The following SAXO2 variants were observed in gnomAD, a reference collection of about 807,000 sequenced individuals.
The protein encoded by SAXO2 is family with sequence similarity 154, member B.
In SAXO2, 17 loss-of-function variants were observed where a neutral mutation model predicts 18.7. That is an observed-to-expected ratio of 0.91 (90% CI 0.62 to 1.36). The LOEUF is 1.36. SAXO2 is among the 40% of genes most tolerant of loss of function. The pLI, the probability that SAXO2 is intolerant of heterozygous loss-of-function variation, is 0.00. For synonymous variants in SAXO2, 163 were observed against 181.2 expected, an observed-to-expected ratio of 0.90 and a Z score of 0.81; for missense variants, 486 against 562.6, an observed-to-expected ratio of 0.86 and a Z score of 1.38.
rs538202720 is a variant in SAXO2 at position 82,272,892 on chromosome 15, T to C, written c.433+1090T>C. Among the ~76,000 whole-genome samples, 7 of 151,782 alleles carry C rather than the reference T, an allele frequency of 4.6e-5. No individual in the cohort carries two copies. The South Asian group carries it at 1.5e-3, about 32-fold the overall frequency. On this transcript the variant is annotated intron_variant, in intron 3 of 3. Coordinates refer to ENST00000682753, the MANE Select transcript of SAXO2 (RefSeq NM_001348699.2). Reference sequence around the variant, plus strand: ...TAGTACTTTTGAGGAATGGGGTCTTTGTTTTTTAAACACAGGCTGTTTTTT... The same window carrying C: ...TAGTACTTTTGAGGAATGGGGTCTTCGTTTTTTAAACACAGGCTGTTTTTT...
intron 1 of SAXO2, 90 bp downstream of exon 1, chr15:82,263,022 A>G (rs2075151638): frequency 6.5e-7 from 1 of 1,544,038 alleles, no homozygotes; most frequent in African/African-American, 1.4e-5. Context: ...GAACCCTGAG[A>G]GTGGCCGTCC....
chr15:82,264,103 G>C (rs1030981551), intron 1 of SAXO2, among the ~76,000 whole-genome samples: 1 of 137,982 alleles, frequency 7.2e-6, no homozygotes, highest in Non-Finnish European at 1.5e-5. Context: ...ACAGAGTCTG[G>C]CTCTCTTGCC....
chr15:82,275,235 C>CAATAACG (rs1442542609), intron 3 of SAXO2, among the ~76,000 whole-genome samples: 3 of 77,174 alleles, frequency 3.9e-5, no homozygotes, highest in African/African-American at 1.5e-4. Context: ...CTGAACAGAT[C>CAATAACG]AATAACGAGT....
At chr15:82,263,118 G>A (rs1308599516) in intron 1 of SAXO2, 186 bp downstream of exon 1, 51 of 1,478,828 alleles carry the variant, frequency 3.4e-5, no homozygotes, top group Non-Finnish European at 1.8e-5. Context: ...TGCTACCCGG[G>A]GGTAAAACGT....
chr15:82,283,116 G>T lies in SAXO2; in HGVS notation c.*54G>T. 8.0e-7 allele frequency: 1 copy of T among 1,244,870 alleles called. No homozygotes were observed. Among genetic ancestry groups the T allele is most frequent in the Non-Finnish European group, 1.0e-6 (1 of 955,666 alleles). 77.1% of individuals were successfully genotyped at this position (1,244,870 alleles called of 1,614,324 possible). ...CTAGCAAGTTGTTGTTTTTCCAAGA[G>T]AAAACTCAATTTTTATAGTTAAAAA... On this transcript the variant is annotated 3_prime_UTR_variant, in exon 4 of 4. Coordinates refer to ENST00000682753, the MANE Select transcript of SAXO2 (RefSeq NM_001348699.2).
rs199720635 is a variant in SAXO2 at position 82,280,036 on chromosome 15, GT to G, written c.434-2078del. Among the ~76,000 whole-genome samples the G allele has an allele frequency of 6.9e-3, 1,053 of 152,252 alleles. 10 individuals carry two copies. The highest frequency in any genetic ancestry group is 8.1e-3 in the Non-Finnish European group (554 of 68,010). ...TAGACATGGACAGCATTGTTTTCTT[GT>G]TTTTCCATAAGTATCATAAAACACT... On this transcript the variant is annotated intron_variant, in intron 3 of 3. Transcript: ENST00000682753.
chr15:82,272,570 C>T (rs560646353), intron 3 of SAXO2, among the ~76,000 whole-genome samples: 2 of 152,250 alleles, frequency 1.3e-5, no homozygotes, highest in Admixed American at 1.3e-4. Flanking sequence ...GTGACAGAGT[C>T]TCGTTCTGTC....
At chr15:82,277,951 G>A (rs1281208118) in intron 3 of SAXO2, among the ~76,000 whole-genome samples, 1 of 152,086 alleles carries the variant, frequency 6.6e-6, no homozygotes, top group African/African-American at 2.4e-5. Context: ...TTGGGAGAAA[G>A]GCTGGAGACC....
In SAXO2 at chr15:82,283,448, T is replaced by G. The variant is rs1454656942; in HGVS notation, c.*386T>G. On this transcript the variant is annotated 3_prime_UTR_variant, in exon 4 of 4. Transcript: ENST00000682753. Reference sequence around the variant, plus strand: ...ACATCAGGATTATCTAGAACAACATTGAAAATGATACATGGATTCCTCTTC... The same window carrying G: ...ACATCAGGATTATCTAGAACAACATGGAAAATGATACATGGATTCCTCTTC... 2 of 155,688 alleles carry G rather than the reference T, an allele frequency of 1.3e-5. No homozygotes were observed. The highest frequency in any genetic ancestry group is 2.4e-5 in the African/African-American group (1 of 41,462). 9.6% of individuals were successfully genotyped at this position (155,688 alleles called of 1,614,324 possible). A position where few individuals can be genotyped will look rare whatever the true frequency, so the allele number is the denominator to read the frequency against.
At chr15:82,278,664 A>C (rs2075336651) in intron 3 of SAXO2, among the ~76,000 whole-genome samples, 1 of 152,214 alleles carries the variant, frequency 6.6e-6, no homozygotes, top group South Asian at 2.1e-4. Flanking sequence ...AGTCATAAAA[A>C]AAACCTTAAC....
Position 82,282,990 on chromosome 15 carries a change from T to C in SAXO2, c.1305T>C (p.Tyr435=), listed in dbSNP as rs779251065. ...CCAGCTATCCCTCTCCTCCAGGTTA[T>C]ATTTTCGACAATACAAATTCCCAAG... The part of the protein sequence containing the change: ...CPASYPSPPG[Y]IFDNTNSQGH... Residue 435 remains tyrosine, a synonymous_variant, in exon 4 of 4, where the codon TAT becomes TAC. Coordinates refer to ENST00000682753, the MANE Select transcript of SAXO2 (RefSeq NM_001348699.2). 3 of 1,614,110 alleles carry C rather than the reference T, an allele frequency of 1.9e-6. No homozygotes were observed. The highest frequency in any genetic ancestry group is 4.5e-5 in the East Asian group (2 of 44,880).
At chr15:82,263,430 G>A (rs2075162587) in intron 1 of SAXO2, 1 of 705,780 alleles carries the variant, frequency 1.4e-6, no homozygotes, top group Non-Finnish European at 2.6e-6. Flanking sequence ...CCGCCTGACT[G>A]AAAAGTCAGT....
rs779831026 is a variant in SAXO2, at chr15:82,282,520, C to T, written c.835C>T (p.Arg279Cys). ...NALFEGSTEF[R>C]ESFQPWEIPP... ...TCTGTTTGAAGGAAGCACTGAATTC[C>T]GTGAAAGTTTTCAACCATGGGAAAT... Residue 279 changes from arginine (R) to cysteine (C), a missense_variant, in exon 4 of 4, where the codon CGT (arginine) becomes TGT (cysteine). Coordinates refer to ENST00000682753, the MANE Select transcript of SAXO2 (RefSeq NM_001348699.2). 9 of 1,614,092 alleles carry T rather than the reference C, an allele frequency of 5.6e-6. No individual in the cohort carries two copies. Among genetic ancestry groups the T allele is most frequent in the East Asian group, 2.2e-5 (1 of 44,882 alleles).
intron 2 of SAXO2, among the ~76,000 whole-genome samples, chr15:82,268,343 C>T (rs1273397766): frequency 6.6e-6 from 1 of 152,090 alleles, no homozygotes; most frequent in Non-Finnish European, 1.5e-5. Flanking sequence ...CTGGATTTCC[C>T]CTGTTGACTT....
intron 1 of SAXO2, among the ~76,000 whole-genome samples, chr15:82,263,976 G>T (rs1342935505): frequency 6.6e-6 from 1 of 151,086 alleles, no homozygotes; most frequent in East Asian, 1.9e-4. Flanking sequence ...AAAAATCTAA[G>T]CAAAAATATC....
In SAXO2 at chr15:82,266,024, C is replaced by T. The variant is rs547238509; in HGVS notation, c.233+276C>T. Among the ~76,000 whole-genome samples the T allele has an allele frequency of 6.6e-4, 100 of 151,976 alleles. 1 individual carries two copies. Among genetic ancestry groups the T allele is most frequent in the Admixed American group, 2.4e-3 (36 of 15,282 alleles). ...CATATTTATCTACTTTCCACTGTCA[C>T]CACCACCTAGAGTAGGGTGTCTAAT... On this transcript the variant is annotated intron_variant, in intron 2 of 3. Coordinates refer to ENST00000682753, the MANE Select transcript of SAXO2 (RefSeq NM_001348699.2).
At position 82,271,687 on chromosome 15, in the gene SAXO2, T is replaced by C; in HGVS notation, c.318T>C (p.Leu106=). 1.9e-6 allele frequency: 3 copies of C among 1,614,132 alleles called. No homozygotes were observed. The highest frequency in any genetic ancestry group is 2.5e-6 in the Non-Finnish European group (3 of 1,179,972). The change falls in exon 3 of 4, where the codon CTT becomes CTC. Residue 106 remains leucine (L), a synonymous_variant. Transcript: ENST00000682753. ...EYKPKQGKID[L]GTTYKRDLNS... ...AACCAAAACAAGGGAAGATTGATCT[T>C]GGTACTACCTACAAACGGGATTTGA...
At chr15:82,268,512 G>A (rs747650573) in intron 2 of SAXO2, among the ~76,000 whole-genome samples, 8 of 152,178 alleles carry the variant, frequency 5.3e-5, no homozygotes, top group Non-Finnish European at 1.0e-4. Flanking sequence ...TGGGAAACTA[G>A]CAGTATTTCT....
chr15:82,268,618 A>T (rs2075241754), intron 2 of SAXO2, among the ~76,000 whole-genome samples: 1 of 152,234 alleles, frequency 6.6e-6, no homozygotes, highest in Non-Finnish European at 1.5e-5. Context: ...TGTACAAACA[A>T]AGAAGCATTC....
Sources: allele counts gnomAD v4.1 joint callset (sites outside exome capture counted in the v4.1 genomes callset), GRCh38; gene constraint gnomAD v4.1.1; transcripts MANE v1.5; gene names NCBI Gene and HGNC (gene_info 2026-07-23, HGNC 2026-07-21).